THSD7B: variants seen among roughly 807,000 people sequenced by gnomAD.
The protein encoded by THSD7B is thrombospondin type-1 domain-containing protein 7B.
THSD7B carries 138 observed loss-of-function variants against 213.6 expected under a neutral mutation model. The ratio of observed to expected loss-of-function variants is 0.65; its 90% CI spans 0.56 to 0.74. THSD7B has a LOEUF of 0.74. Among genes scored for constraint, THSD7B ranks in the 30% least tolerant of loss-of-function variants. The probability of loss-of-function intolerance (pLI) is 0.00; values close to 1 mark genes in which losing one functional copy is unlikely to be tolerated. For missense variants in THSD7B, 1,931 were observed against 1,991.5 expected (o/e 0.97, Z 0.58); for synonymous variants, 742 against 687.0 (o/e 1.08, Z -1.25).
chr2:137,538,554 T>C (rs1680550179), intron 15 of THSD7B: 4 of 503,664 alleles, frequency 7.9e-6, no homozygotes, highest in South Asian at 4.4e-5. Flanking sequence ...GAAGCTTTGA[T>C]GTTTTCCTTC....
intron 2 of THSD7B, among the ~76,000 whole-genome samples, chr2:136,938,536 C>T (rs758122301): frequency 6.6e-6 from 1 of 151,862 alleles, no homozygotes; most frequent in Non-Finnish European, 1.5e-5. Flanking sequence ...TTTTCATTTG[C>T]CTGGCTTTTT....
intron 1 of THSD7B, among the ~76,000 whole-genome samples, chr2:136,834,846 A>G (rs1682819089): frequency 6.6e-6 from 1 of 152,204 alleles, no homozygotes; most frequent in Non-Finnish European, 1.5e-5. Flanking sequence ...AAATCTACTA[A>G]TAAATCTATG....
intron 15 of THSD7B, among the ~76,000 whole-genome samples, chr2:137,461,517 C>G (rs1444833388): frequency 2.0e-5 from 3 of 152,104 alleles, no homozygotes; most frequent in African/African-American, 4.8e-5. Context: ...TACCTTCCCA[C>G]TGGACTCTGC....
At chr2:136,986,905 C>T (rs867491748) in intron 2 of THSD7B, among the ~76,000 whole-genome samples, 1 of 152,154 alleles carries the variant, frequency 6.6e-6, no homozygotes, top group South Asian at 2.1e-4. Flanking sequence ...GTTTTGATGC[C>T]TTAACAATTT....
chr2:137,554,474 A>C (rs928795628), intron 15 of THSD7B, among the ~76,000 whole-genome samples: 1 of 152,140 alleles, frequency 6.6e-6, no homozygotes, highest in African/African-American at 2.4e-5. Flanking sequence ...GAGCATATTG[A>C]CTCAGTATTA....
At chr2:137,309,110 C>T (rs1573950457) in intron 12 of THSD7B, among the ~76,000 whole-genome samples, 1 of 152,062 alleles carries the variant, frequency 6.6e-6, no homozygotes, top group Admixed American at 6.6e-5. Flanking sequence ...TATTTTTCAA[C>T]AATAGCATAG....
intron 17 of THSD7B, among the ~76,000 whole-genome samples, chr2:137,601,613 C>A (rs352186): frequency 0.21 from 31,340 of 152,032 alleles, 3,548 homozygotes; most frequent in South Asian, 0.29. Flanking sequence ...CAGAACATAT[C>A]CCCGTCATTA....
chr2:136,864,773 T>C (rs1036486517), intron 1 of THSD7B, among the ~76,000 whole-genome samples: 2 of 152,112 alleles, frequency 1.3e-5, no homozygotes, highest in South Asian at 2.1e-4. Context: ...AGGATGGTCT[T>C]GATCTCCTGA....
intron 2 of THSD7B, among the ~76,000 whole-genome samples, chr2:137,055,452 T>A (rs1246018957): frequency 6.6e-6 from 1 of 152,182 alleles, no homozygotes; most frequent in African/African-American, 2.4e-5. Flanking sequence ...GAAGAAACTA[T>A]TTTTTTCATT....
chr2:137,136,874 A>G (rs1301076058), intron 5 of THSD7B, among the ~76,000 whole-genome samples: 1 of 152,196 alleles, frequency 6.6e-6, no homozygotes, highest in Non-Finnish European at 1.5e-5. Context: ...CAAAAGATGA[A>G]TATTAGAAAA....
At chr2:136,886,668 G>T (rs1029751025) in intron 2 of THSD7B, among the ~76,000 whole-genome samples, 19 of 152,182 alleles carry the variant, frequency 1.2e-4, no homozygotes, top group African/African-American at 4.3e-4. Flanking sequence ...ACAGTGCCCA[G>T]GTTGAGAAAC....
chr2:136,920,525 G>A (rs1684418091), intron 2 of THSD7B, among the ~76,000 whole-genome samples: 1 of 152,180 alleles, frequency 6.6e-6, no homozygotes, highest in Non-Finnish European at 1.5e-5. Flanking sequence ...GGTGGCCATG[G>A]GCAGACCTGG....
intron 2 of THSD7B, among the ~76,000 whole-genome samples, chr2:136,955,310 G>T (rs1217698874): frequency 6.6e-6 from 1 of 152,170 alleles, no homozygotes; most frequent in East Asian, 1.9e-4. Flanking sequence ...CTTTCGCTGA[G>T]CAAGTTTCAG....
chr2:136,801,932 C>T (rs1002829809), intron 1 of THSD7B, among the ~76,000 whole-genome samples: 2 of 152,124 alleles, frequency 1.3e-5, no homozygotes, highest in African/African-American at 4.8e-5. Flanking sequence ...GGTGGTTAAA[C>T]TGTTATTGTG....
At chr2:136,977,068 T>C (rs1036404544) in intron 2 of THSD7B, among the ~76,000 whole-genome samples, 9 of 152,196 alleles carry the variant, frequency 5.9e-5, no homozygotes, top group Non-Finnish European at 2.9e-5. Flanking sequence ...GTATCTCTTA[T>C]AGAATTTAGC....
At chr2:137,597,329 A>G (rs572583275) in intron 17 of THSD7B, among the ~76,000 whole-genome samples, 1 of 152,174 alleles carries the variant, frequency 6.6e-6, no homozygotes, top group East Asian at 1.9e-4. Context: ...CTCTCAGGCC[A>G]GATGTCCTGA....
rs886666605 is a variant in THSD7B at position 137,563,515 on chromosome 2, A to G, written c.3272+161A>G. 1.7e-4 allele frequency among the ~76,000 whole-genome samples: 26 copies of G among 152,142 alleles called. No individual in the cohort carries two copies. The East Asian group carries it at 2.1e-3, about 12-fold the overall frequency. On this transcript the variant is annotated intron_variant, in intron 16 of 27. Coordinates refer to ENST00000409968, the MANE Select transcript of THSD7B (RefSeq NM_001316349.2). ...TATTCATTGAAATAAGTGCATCCTT[A>G]CCTGCCATGTGTATAGTGGGGTTCC...
At chr2:137,286,867 A>G (rs1191533048) in intron 12 of THSD7B, among the ~76,000 whole-genome samples, 1 of 152,296 alleles carries the variant, frequency 6.6e-6, no homozygotes, top group East Asian at 1.9e-4. Flanking sequence ...CCATAAATGT[A>G]ACTGTATTCT....
At chr2:136,967,948 G>C (rs75309657) in intron 2 of THSD7B, among the ~76,000 whole-genome samples, 5 of 152,044 alleles carry the variant, frequency 3.3e-5, no homozygotes, top group Admixed American at 6.6e-5. Flanking sequence ...GTATCACGTC[G>C]CTGTATGTTT....
Sources: allele counts gnomAD v4.1 joint callset (sites outside exome capture counted in the v4.1 genomes callset), GRCh38; gene constraint gnomAD v4.1.1; transcripts MANE v1.5; gene names NCBI Gene and HGNC (gene_info 2026-07-23, HGNC 2026-07-21).